Variants in CMIP observed in about 807,000 individuals in gnomAD.
CMIP encodes the protein C-Maf-inducing protein.
In CMIP, 13 loss-of-function variants were observed where a neutral mutation model predicts 97.3. That is an observed-to-expected ratio of 0.13 (90% confidence interval 0.09 to 0.21). The LOEUF is 0.21. CMIP is among the 10% of genes least tolerant of loss of function. The pLI is 1.00. For missense variants in CMIP, 847 were observed against 1,024.9 expected (o/e 0.83, Z 2.37); for synonymous variants, 538 against 436.3 (o/e 1.23, Z -2.91).
chr16:81,587,560 C>T (rs1362717046), intron 1 of CMIP, among the ~76,000 whole-genome samples: 2 of 152,176 alleles, frequency 1.3e-5, no homozygotes, highest in African/African-American at 4.8e-5. Flanking sequence ...GTGTTCTTCT[C>T]ATTCCCATTT....
intron 1 of CMIP, among the ~76,000 whole-genome samples, chr16:81,517,143 C>T (rs2089931761): frequency 1.3e-5 from 2 of 151,558 alleles, no homozygotes; most frequent in Non-Finnish European, 2.9e-5. Context: ...AGACGGCCTC[C>T]AAGGTCATCG....
chr16:81,506,678 G>T (rs2089714468), intron 1 of CMIP, among the ~76,000 whole-genome samples: 1 of 152,260 alleles, frequency 6.6e-6, no homozygotes, highest in Non-Finnish European at 1.5e-5. Flanking sequence ...ACTCTGGGAG[G>T]CCAAGGCGGG....
chr16:81,705,792 A>G (rs771999669), intron 19 of CMIP, among the ~76,000 whole-genome samples, 188 bp downstream of exon 19: 1 of 152,272 alleles, frequency 6.6e-6, no homozygotes, highest in Admixed American at 6.5e-5. Context: ...CAACACAGGG[A>G]AAAATATCCC....
chr16:81,480,819 G>A (rs1317714660), intron 1 of CMIP, among the ~76,000 whole-genome samples: 4 of 152,240 alleles, frequency 2.6e-5, no homozygotes, highest in Admixed American at 6.5e-5. Context: ...GGGAAAGGAC[G>A]GGGGTGGTTT....
At chr16:81,513,203 C>T (rs1344611655) in intron 1 of CMIP, among the ~76,000 whole-genome samples, 1 of 152,212 alleles carries the variant, frequency 6.6e-6, no homozygotes, top group East Asian at 1.9e-4. Flanking sequence ...CCCCCTAGAT[C>T]GAGTTTTCGT....
Position 81,710,547 on chromosome 16 carries a change from A to G in CMIP, c.*748A>G, listed in dbSNP as rs1908651669. On this transcript the variant is annotated 3_prime_UTR_variant, in exon 21 of 21. Coordinates refer to ENST00000537098, the MANE Select transcript of CMIP (RefSeq NM_198390.3). ...ACAGACAACAAAAAGAAGAAAAAAA[A>G]AAAGAACCTCCTTGGAAAAATTAAT... 1 of 152,296 alleles carries G rather than the reference A, an allele frequency of 6.6e-6. No homozygotes were observed. Among genetic ancestry groups the G allele is most frequent in the African/African-American group, 2.4e-5 (1 of 41,378 alleles). The allele number at this position is 152,296 out of a possible 1,614,324, so 9.4% of individuals were successfully genotyped here. A position where few individuals can be genotyped will look rare whatever the true frequency, so the allele number is the denominator to read the frequency against.
chr16:81,447,315 A>G (rs1905919035), intron 1 of CMIP, among the ~76,000 whole-genome samples: 1 of 151,662 alleles, frequency 6.6e-6, no homozygotes, highest in Non-Finnish European at 1.5e-5. Context: ...TAGAAGGAAC[A>G]GTGACCTGCC....
intron 1 of CMIP, among the ~76,000 whole-genome samples, chr16:81,512,991 C>T (rs762401157): frequency 7.9e-5 from 12 of 152,210 alleles, no homozygotes; most frequent in African/African-American, 2.4e-4. Flanking sequence ...CCCTCCTCAG[C>T]GTCCCAAAGT....
chr16:81,706,983 C>T (rs1288757515), intron 19 of CMIP, 31 bp from the exon 20 acceptor site: 2 of 1,604,242 alleles, frequency 1.2e-6, no homozygotes, highest in Non-Finnish European at 1.7e-6. Context: ...GGGCCTCGCT[C>T]TCCTAACAAC....
chr16:81,657,746 C>T, intron 4 of CMIP, 29 bp from the exon 5 acceptor site: 1 of 1,564,510 alleles, frequency 6.4e-7, no homozygotes, highest in Non-Finnish European at 8.7e-7. Flanking sequence ...GTTTTGTTTT[C>T]CTCCTGCTGT....
At chr16:81,513,839 T>G (rs1467198659) in intron 1 of CMIP, among the ~76,000 whole-genome samples, 1 of 152,198 alleles carries the variant, frequency 6.6e-6, no homozygotes, top group Non-Finnish European at 1.5e-5. Context: ...TGGCTTTCAT[T>G]CCACTGACTT....
intron 1 of CMIP, among the ~76,000 whole-genome samples, chr16:81,574,273 C>T (rs2091149974): frequency 6.6e-6 from 1 of 152,028 alleles, no homozygotes; most frequent in East Asian, 1.9e-4. Flanking sequence ...CCCACGGCCC[C>T]CTCCTCCAAC....
intron 1 of CMIP, among the ~76,000 whole-genome samples, chr16:81,575,744 G>T (rs550969983): frequency 2.0e-5 from 3 of 152,174 alleles, no homozygotes; most frequent in Non-Finnish European, 4.4e-5. Flanking sequence ...GCCCTGAAGA[G>T]CTCTGAGTTC....
chr16:81,490,166 C>T (rs1225347269), intron 1 of CMIP, among the ~76,000 whole-genome samples: 1 of 152,198 alleles, frequency 6.6e-6, no homozygotes, highest in African/African-American at 2.4e-5. Flanking sequence ...CTGTTCCTCT[C>T]TGACAGAGTC....
At chr16:81,574,322 TGCCTGTA>T (rs1270880566) in intron 1 of CMIP, among the ~76,000 whole-genome samples, 1 of 150,732 alleles carries the variant, frequency 6.6e-6, no homozygotes, top group African/African-American at 2.4e-5. Context: ...CTTCTGGGGC[TGCCTGTA>T]GCCTGGCACC....
intron 17 of CMIP, among the ~76,000 whole-genome samples, 156 bp downstream of exon 17, chr16:81,702,825 G>T (rs1024286310): frequency 1.3e-5 from 2 of 152,154 alleles, no homozygotes; most frequent in Non-Finnish European, 2.9e-5. Context: ...CTTCCAGGAG[G>T]TAGCTGGGTT....
intron 1 of CMIP, among the ~76,000 whole-genome samples, chr16:81,573,110 G>A (rs574849110): frequency 2.0e-5 from 3 of 152,212 alleles, no homozygotes; most frequent in South Asian, 2.1e-4. Context: ...TCGGGAGGCC[G>A]AGGCAGGTGG....
intron 19 of CMIP, 23 bp from the exon 20 acceptor site, chr16:81,706,991 A>T (rs745997048): frequency 1.2e-6 from 2 of 1,611,434 alleles, no homozygotes; most frequent in African/African-American, 2.7e-5. Flanking sequence ...CTCTCCTAAC[A>T]ACTGTATCTG....
rs144633327 is a variant in CMIP at position 81,632,897 on chromosome 16, G to A, written c.477+11971G>A. ...CCCCACCCCCACCTTCTGGGTAAAG[G>A]TCTTTCCTGAGCCTCAGAAATGACG... is the stretch of plus-strand genomic sequence containing the variant. On this transcript the variant is annotated intron_variant, in intron 3 of 20. Transcript: ENST00000537098. 2.9e-3 allele frequency among the ~76,000 whole-genome samples: 440 copies of A among 152,218 alleles called. 4 individuals are homozygous for A. Among genetic ancestry groups the A allele is most frequent in the African/African-American group, 9.9e-3 (410 of 41,528 alleles).
Sources: allele counts gnomAD v4.1 joint callset (sites outside exome capture counted in the v4.1 genomes callset), GRCh38; gene constraint gnomAD v4.1.1; transcripts MANE v1.5; gene names NCBI Gene and HGNC (gene_info 2026-07-23, HGNC 2026-07-21).